Variants in MKLN1 observed in about 807,000 individuals in gnomAD.
MKLN1 encodes the protein muskelin 1.
MKLN1 carries 18 observed loss-of-function variants against 99.0 expected under a neutral mutation model. That is an observed-to-expected ratio of 0.18 (90% CI 0.13 to 0.27). The LOEUF is 0.27. MKLN1 is among the 10% of genes least tolerant of loss of function. The probability of loss-of-function intolerance (pLI) is 1.00; values close to 1 mark genes in which losing one functional copy is unlikely to be tolerated. For synonymous variants in MKLN1, 288 were observed against 293.2 expected (o/e 0.98, Z 0.18); for missense variants, 621 against 875.9 (o/e 0.71, Z 3.67).
chr7:131,220,825 G>A (rs887630775), intron 3 of MKLN1, among the ~76,000 whole-genome samples: 1 of 152,130 alleles, frequency 6.6e-6, no homozygotes, highest in African/African-American at 2.4e-5. Context: ...CAAATCTTCA[G>A]TATCTAGTGA....
At chr7:131,225,111 G>A (rs758534277) in intron 3 of MKLN1, among the ~76,000 whole-genome samples, 10 of 151,908 alleles carry the variant, frequency 6.6e-5, no homozygotes, top group Non-Finnish European at 8.8e-5. Context: ...TTTGGGGGAC[G>A]GTGTCTTTTA....
intron 2 of MKLN1, among the ~76,000 whole-genome samples, chr7:131,171,744 C>T (rs949085125): frequency 2.0e-5 from 3 of 152,190 alleles, no homozygotes; most frequent in African/African-American, 7.2e-5. Flanking sequence ...AGGCATGAGC[C>T]ACCTCGCCTA....
rs1474735122 is a variant in MKLN1, at chr7:131,297,026, A to G, written c.-178-78398A>G. Among the ~76,000 whole-genome samples the G allele has an allele frequency of 3.3e-5, 5 of 151,604 alleles. No homozygotes were observed. In the South Asian group the frequency reaches 1.1e-3, roughly 32 times the overall value. On this transcript the variant is annotated intron_variant, in intron 3 of 7. Coordinates refer to the MKLN1 transcript ENST00000416992. The stretch of plus-strand genomic sequence containing the variant: ...AGTGCTGGGATTACAGGCATGAGCC[A>G]CTGCACCTGGCCAAGACCTCATCTC...
At chr7:131,250,218 G>T (rs1797556968) in intron 3 of MKLN1, among the ~76,000 whole-genome samples, 1 of 152,172 alleles carries the variant, frequency 6.6e-6, no homozygotes, top group African/African-American at 2.4e-5. Flanking sequence ...GGTGGCTGGG[G>T]GGAGATGATG....
chr7:131,351,201 T>C (rs1283008546), intron 1 of MKLN1, among the ~76,000 whole-genome samples: 1 of 151,890 alleles, frequency 6.6e-6, no homozygotes, highest in African/African-American at 2.4e-5. Context: ...TGAGCTATGA[T>C]TGTGCCACCG....
intron 3 of MKLN1, among the ~76,000 whole-genome samples, chr7:131,301,463 G>T (rs553862412): frequency 1.8e-4 from 27 of 152,242 alleles, no homozygotes; most frequent in Non-Finnish European, 3.2e-4. Flanking sequence ...CATAAGAAAG[G>T]TCTCTATTAA....
At chr7:131,372,018 TTAAA>T (rs1360464339) in intron 1 of MKLN1, among the ~76,000 whole-genome samples, 5 of 151,946 alleles carry the variant, frequency 3.3e-5, no homozygotes, top group African/African-American at 1.2e-4. Flanking sequence ...ATTTTAAACT[TTAAA>T]TAGTATTAAT....
chr7:131,281,480 T>G (rs1798051981), intron 3 of MKLN1, among the ~76,000 whole-genome samples: 1 of 152,202 alleles, frequency 6.6e-6, no homozygotes, highest in South Asian at 2.1e-4. Context: ...TCCAACTTTG[T>G]TCTTCCTCTT....
chr7:131,176,957 T>G (rs551270813), intron 2 of MKLN1, among the ~76,000 whole-genome samples: 4 of 152,294 alleles, frequency 2.6e-5, no homozygotes, highest in African/African-American at 9.6e-5. Context: ...TGGAAAATGC[T>G]AGGCTGGGAG....
Position 131,318,555 on chromosome 7 carries a change from A to G in MKLN1, c.-178-56869A>G, listed in dbSNP as rs202174832. Among the ~76,000 whole-genome samples the G allele has an allele frequency of 3.3e-5, 5 of 152,228 alleles. No individual in the cohort carries two copies. In the East Asian group the frequency reaches 9.6e-4, roughly 29 times the overall value. On this transcript the variant is annotated intron_variant, in intron 3 of 7. Transcript: ENST00000416992. ...TCACAATTAAAAGAACTAGAGAAGCAAGAGCAAACAAATTCAAAAGCTAGC... is the reference window on the plus strand; with the variant it reads ...TCACAATTAAAAGAACTAGAGAAGCGAGAGCAAACAAATTCAAAAGCTAGC...
chr7:131,144,368 G>A (rs1795785694), intron 2 of MKLN1, among the ~76,000 whole-genome samples: 1 of 151,342 alleles, frequency 6.6e-6, no homozygotes, highest in Non-Finnish European at 1.5e-5. Flanking sequence ...TGTAGTCCCA[G>A]CTACTCGGGA....
chr7:131,275,552 TA>T (rs1797951543), intron 3 of MKLN1, among the ~76,000 whole-genome samples: 1 of 23,090 alleles, frequency 4.3e-5, no homozygotes, highest in Non-Finnish European at 8.9e-5. Context: ...TATATATATA[TA>T]TATATATATA....
At chr7:131,472,427 T>G (rs1163188772) in intron 16 of MKLN1, among the ~76,000 whole-genome samples, 1 of 152,242 alleles carries the variant, frequency 6.6e-6, no homozygotes, top group Non-Finnish European at 1.5e-5. Context: ...CAAGTTCATT[T>G]GAGCCATTTT....
chr7:131,189,790 G>GA (rs1320614510), intron 2 of MKLN1, among the ~76,000 whole-genome samples: 3 of 152,164 alleles, frequency 2.0e-5, no homozygotes, highest in African/African-American at 7.2e-5. Context: ...CCTGTGAATG[G>GA]AAATATCTTT....
chr7:131,188,301 A>G (rs541090577), intron 2 of MKLN1, among the ~76,000 whole-genome samples: 1 of 152,370 alleles, frequency 6.6e-6, no homozygotes, highest in African/African-American at 2.4e-5. Flanking sequence ...ATAACAAACC[A>G]TCTTAAAATT....
At chr7:131,358,299 T>A (rs182269169) in intron 1 of MKLN1, among the ~76,000 whole-genome samples, 28 of 152,324 alleles carry the variant, frequency 1.8e-4, no homozygotes, top group Non-Finnish European at 4.4e-5. Flanking sequence ...TCTGTTGATA[T>A]GATCATATGA....
chr7:131,465,569 C>T (rs1009356429), intron 14 of MKLN1, among the ~76,000 whole-genome samples: 10 of 151,794 alleles, frequency 6.6e-5, no homozygotes, highest in African/African-American at 2.4e-4. Flanking sequence ...GACGGAGTCT[C>T]GGTCTGTTGC....
At chr7:131,413,808 G>A (rs1318594105) in intron 7 of MKLN1, among the ~76,000 whole-genome samples, 1 of 152,114 alleles carries the variant, frequency 6.6e-6, no homozygotes, top group African/African-American at 2.4e-5. Flanking sequence ...CAGAGTGCTG[G>A]GATTACAGGT....
rs1399738170 is a variant in MKLN1 at position 131,444,161 on chromosome 7, C to A, written c.1395+459C>A. 2.0e-5 allele frequency among the ~76,000 whole-genome samples: 3 copies of A among 152,032 alleles called. No homozygotes were observed. In the East Asian group the frequency reaches 5.9e-4, roughly 30 times the overall value. On this transcript the variant is annotated intron_variant, in intron 11 of 17. Transcript: ENST00000352689. ...TTCCAGAAGTTTGAGACGAGCCTGG[C>A]CAACATGGCGAAACCCCATCCCCAG...
Sources: allele counts gnomAD v4.1 joint callset (sites outside exome capture counted in the v4.1 genomes callset), GRCh38; gene constraint gnomAD v4.1.1; transcripts MANE v1.5; gene names NCBI Gene and HGNC (gene_info 2026-07-23, HGNC 2026-07-21).